The following INPP5J variants were observed in gnomAD, a reference collection of about 807,000 sequenced individuals.
INPP5J encodes phosphatidylinositol 4,5-bisphosphate 5-phosphatase A.
A neutral mutation model predicts 86.6 loss-of-function variants in INPP5J; 75 were observed. The observed-to-expected ratio is 0.87, with a 90% CI of 0.72 to 1.05. INPP5J has a LOEUF of 1.05. Ranked by LOEUF, INPP5J falls within the 50% of genes least tolerant of loss-of-function variation. The pLI is 0.00. For missense variants in INPP5J, 1,229 were observed against 1,341.2 expected (o/e 0.92, Z 1.31); for synonymous variants, 540 against 550.0 (o/e 0.98, Z 0.25).
intron 6 of INPP5J, 193 bp from the exon 7 acceptor site, chr22:31,127,758 A>G (rs1008251279): frequency 6.2e-6 from 4 of 641,440 alleles, no homozygotes; most frequent in African/African-American, 3.7e-5. Context: ...TCAGAACCTA[A>G]TTTCCTGTAG....
rs375807129 is a variant in INPP5J at position 31,127,100 on chromosome 22, C to T, written c.1611+63C>T. On this transcript the variant is annotated intron_variant, in intron 5 of 12. Coordinates refer to ENST00000331075, the MANE Select transcript of INPP5J (RefSeq NM_001284285.2). ...GAAGGGGGCTTTAGATTAGTCCCCC[C>T]GCCCCATGCACAGCAAGGTCCCCTT... 303 of 1,158,674 alleles carry T rather than the reference C, an allele frequency of 2.6e-4. 6 individuals are homozygous for T. In the South Asian group the frequency reaches 2.7e-3, roughly 10 times the overall value. The allele number at this position is 1,158,674 out of a possible 1,614,324, so 71.8% of individuals were successfully genotyped here.
Position 31,134,032 on chromosome 22 carries a change from T to G in INPP5J, c.2634T>G (p.Pro878=). Residue 878 remains proline (P), a synonymous_variant, in exon 13 of 13, where the codon CCT becomes CCG. Transcript: ENST00000331075. ...LLAPKSRSPS[P]GKSKRHRSRS... is the part of the protein sequence containing the mutation. Reference sequence around the variant, plus strand: ...CACCCAAGTCCCGCAGCCCCAGTCCTGGCAAGTCCAAGCGACACCGCAGCC... The same window carrying G: ...CACCCAAGTCCCGCAGCCCCAGTCCGGGCAAGTCCAAGCGACACCGCAGCC... The G allele has an allele frequency of 1.9e-6, 3 of 1,605,672 alleles. No homozygotes were observed. Among genetic ancestry groups the G allele is most frequent in the Non-Finnish European group, 2.5e-6 (3 of 1,176,986 alleles).
chr22:31,126,555 G>A, intron 3 of INPP5J, 58 bp from the exon 4 acceptor site: 1 of 1,601,760 alleles, frequency 6.2e-7, no homozygotes, highest in Non-Finnish European at 8.6e-7. Context: ...TCCACCCATG[G>A]CAGGGGCTTC....
Position 31,125,755 on chromosome 22 carries a change from C to A in INPP5J, c.1016C>A (p.Pro339Gln). 1 of 1,551,162 alleles carries A rather than the reference C, an allele frequency of 6.4e-7. No homozygotes were observed. Among genetic ancestry groups the A allele is most frequent in the South Asian group, 1.2e-5 (1 of 84,094 alleles). The change falls in exon 2 of 13, where the codon CCA becomes CAA. Residue 339 changes from proline to glutamine, a missense_variant. By Grantham distance (76) the Pro-to-Gln change is moderately conservative (BLOSUM62 -1). Coordinates refer to ENST00000331075, the MANE Select transcript of INPP5J (RefSeq NM_001284285.2). Reference protein sequence around the residue: ...PGAPSGQTVPPPLPKPPRSPS... With the variant: ...PGAPSGQTVPQPLPKPPRSPS... ...GCCCCCTCAGGCCAGACTGTGCCCC[C>A]ACCTCTGCCCAAGCCACCCCGATCA... is the stretch of plus-strand genomic sequence containing the variant.
chr22:31,127,723 C>T lies in INPP5J; in HGVS notation c.1787+191C>T. 3 of 704,928 alleles carry T rather than the reference C, an allele frequency of 4.3e-6. No individual in the cohort carries two copies. In the South Asian group the frequency reaches 5.7e-5, roughly 13 times the overall value. 43.7% of individuals were successfully genotyped at this position (704,928 alleles called of 1,614,324 possible). On this transcript the variant is annotated intron_variant, in intron 6 of 12. Coordinates refer to ENST00000331075, the MANE Select transcript of INPP5J (RefSeq NM_001284285.2). ...GCGGAGCTTGTAGGGTGGAGCTTTGCTGAGGGGCCCCGCCTTGCTGAAGGT... is the reference window on the plus strand; with the variant it reads ...GCGGAGCTTGTAGGGTGGAGCTTTGTTGAGGGGCCCCGCCTTGCTGAAGGT...
At position 31,133,912 on chromosome 22, in the gene INPP5J, G is replaced by C; in HGVS notation, c.2515-1G>C. On this transcript the variant is annotated splice_acceptor_variant, in intron 12 of 12. Coordinates refer to ENST00000331075, the MANE Select transcript of INPP5J (RefSeq NM_001284285.2). LOFTEE classifies it high-confidence loss of function. ...GCCCCAGTGACCAGCATTTCCCCCA[G>C]ATCTCGCTGCCTTCCTCGGAGTTGG... The C allele has an allele frequency of 1.2e-6, 2 of 1,609,904 alleles. No homozygotes were observed. Among genetic ancestry groups the C allele is most frequent in the Non-Finnish European group, 1.7e-6 (2 of 1,177,300 alleles).
At chr22:31,129,542 CTT>C (rs56039276) in intron 9 of INPP5J, among the ~76,000 whole-genome samples, 48 of 96,284 alleles carry the variant, frequency 5.0e-4, no homozygotes, top group Non-Finnish European at 4.8e-4. Flanking sequence ...GCCCGGCGCC[CTT>C]TTTTTTTTTT....
intron 9 of INPP5J, among the ~76,000 whole-genome samples, chr22:31,130,435 G>T (rs2147881733): frequency 6.6e-6 from 1 of 151,876 alleles, no homozygotes. Context: ...GATCACTGGA[G>T]CTTGGAAGAT....
In INPP5J at chr22:31,124,663, C is replaced by T. The variant is rs148743546; in HGVS notation, c.106-182C>T. Among the ~76,000 whole-genome samples the T allele has an allele frequency of 9.2e-5, 14 of 152,282 alleles. No homozygotes were observed. The East Asian group carries it at 1.4e-3, about 15-fold the overall frequency. On this transcript the variant is annotated intron_variant, in intron 1 of 12. Transcript: ENST00000331075. ...TAAAGGAGGGGTTAGGGTTTTGTGT[C>T]CTATCTCCTCCAAGACAGAAGTTGA...
In INPP5J at chr22:31,134,461, C is replaced by A; in HGVS notation, c.*42C>A. On this transcript the variant is annotated 3_prime_UTR_variant, in exon 13 of 13. Coordinates refer to ENST00000331075, the MANE Select transcript of INPP5J (RefSeq NM_001284285.2). ...TGGGCCAAGGTGACCACCATTCTGCCTCAATCTTTTGCAAGCCCACCTGCC... is the reference window on the plus strand; with the variant it reads ...TGGGCCAAGGTGACCACCATTCTGCATCAATCTTTTGCAAGCCCACCTGCC... 1 of 1,428,206 alleles carries A rather than the reference C, an allele frequency of 7.0e-7. No homozygotes were observed. The highest frequency in any genetic ancestry group is 9.2e-7 in the Non-Finnish European group (1 of 1,091,958). 88.5% of individuals were successfully genotyped at this position (1,428,206 alleles called of 1,614,324 possible).
chr22:31,133,963 C>T lies in INPP5J; in HGVS notation c.2565C>T (p.Gly855=). The change falls in exon 13 of 13, where the codon GGC becomes GGT. Residue 855 remains glycine, a synonymous_variant. Coordinates refer to ENST00000331075, the MANE Select transcript of INPP5J (RefSeq NM_001284285.2). Reference sequence around the variant, plus strand: ...CCAGCAGCAGCACAGACAGCTCAGGCACCAGCTCAGAGGGAGAGGATGACA... The same window carrying T: ...CCAGCAGCAGCACAGACAGCTCAGGTACCAGCTCAGAGGGAGAGGATGACA... ...ELASSSTDSS[G]TSSEGEDDST... is the part of the protein sequence containing the mutation. The T allele has an allele frequency of 1.2e-6, 2 of 1,613,368 alleles. No homozygotes were observed. Among genetic ancestry groups the T allele is most frequent in the Non-Finnish European group, 1.7e-6 (2 of 1,179,870 alleles).
chr22:31,131,340 G>A (rs753078544), intron 9 of INPP5J, among the ~76,000 whole-genome samples: 8 of 152,094 alleles, frequency 5.3e-5, no homozygotes, highest in African/African-American at 1.2e-4. Flanking sequence ...TGAGGCAGAC[G>A]GATCACTAGG....
intron 4 of INPP5J, 95 bp from the exon 5 acceptor site, chr22:31,126,826 C>A: frequency 7.1e-7 from 1 of 1,414,488 alleles, no homozygotes; most frequent in Non-Finnish European, 1.0e-6. Context: ...GTGGCTGGGT[C>A]CGTGACATGG....
rs781619459 is a variant in INPP5J, at chr22:31,128,003, C to T, written c.1840C>T (p.His614Tyr). ...LNFRIESYDL[H>Y]FVKFAIDSDQ... is the part of the protein sequence containing the mutation. ...CTTCCGCATTGAGAGCTATGACCTG[C>T]ACTTTGTCAAGTTTGCCATCGACAG... The change falls in exon 7 of 13, where the codon CAC becomes TAC. Residue 614 changes from histidine (H) to tyrosine (Y), a missense_variant. His to Tyr is a moderately conservative substitution (Grantham distance 83, BLOSUM62 2). Transcript: ENST00000331075. 2 of 1,613,316 alleles carry T rather than the reference C, an allele frequency of 1.2e-6. No individual in the cohort carries two copies. Among genetic ancestry groups the T allele is most frequent in the Admixed American group, 1.7e-5 (1 of 59,968 alleles).
Position 31,125,993 on chromosome 22 carries a change from G to T in INPP5J, c.1254G>T (p.Lys418Asn). 6.3e-7 allele frequency: 1 copy of T among 1,576,878 alleles called. No homozygotes were observed. Among genetic ancestry groups the T allele is most frequent in the Non-Finnish European group, 8.6e-7 (1 of 1,157,966 alleles). ...CTTGGTCAGCTCAGCCTACCTGGAA[G>T]AGCGACCCCGGCTTCCGGTGAGGGG... is the stretch of plus-strand genomic sequence containing the variant. ...SSPWSAQPTW[K>N]SDPGFRITVV... Residue 418 changes from lysine to asparagine, a missense_variant, in exon 2 of 13, where the codon AAG (lysine) becomes AAT (asparagine). Transcript: ENST00000331075.
Position 31,125,372 on chromosome 22 carries a change from T to C in INPP5J, c.633T>C (p.Ser211=), listed in dbSNP as rs548627771. The stretch of plus-strand genomic sequence containing the variant: ...CCCCGGTGCCCAGTCCAGTTCTGTC[T>C]CCAACTCAGGAACAGGCCCTGGCTC... ...TPSPVPSPVL[S]PTQEQALAPA... Residue 211 remains serine, a synonymous_variant, in exon 2 of 13, where the codon TCT becomes TCC. Transcript: ENST00000331075. The C allele has an allele frequency of 6.4e-7, 1 of 1,550,390 alleles. No individual in the cohort carries two copies. The highest frequency in any genetic ancestry group is 2.0e-5 in the Admixed American group (1 of 50,986).
intron 1 of INPP5J, 92 bp downstream of exon 1, chr22:31,123,211 G>C: frequency 1.3e-6 from 1 of 773,760 alleles, no homozygotes; most frequent in Non-Finnish European, 1.9e-6. Context: ...TGGTGCTCCT[G>C]ACTGAGGGGC....
chr22:31,131,535 C>T (rs1922062646), intron 9 of INPP5J, among the ~76,000 whole-genome samples: 1 of 151,812 alleles, frequency 6.6e-6, no homozygotes, highest in South Asian at 2.1e-4. Flanking sequence ...TGCACTCCAG[C>T]CTGGGCTACA....
At position 31,123,091 on chromosome 22, in the gene INPP5J, G is replaced by A. The variant is rs760788038; in HGVS notation, c.77G>A (p.Gly26Asp). ...AGLGSLPMPQ[G>D]VAQTGAPSKV... ...CTGGGTTCCCTGCCCATGCCCCAGGGTGTTGCCCAAACTGGGGCACCCTCC... is the reference window on the plus strand; with the variant it reads ...CTGGGTTCCCTGCCCATGCCCCAGGATGTTGCCCAAACTGGGGCACCCTCC... The change falls in exon 1 of 13, where the codon GGT (glycine) becomes GAT (aspartate). Residue 26 changes from glycine to aspartate, a missense_variant. Coordinates refer to ENST00000331075, the MANE Select transcript of INPP5J (RefSeq NM_001284285.2). The A allele has an allele frequency of 6.7e-7, 1 of 1,484,722 alleles. No individual in the cohort carries two copies. Among genetic ancestry groups the A allele is most frequent in the Non-Finnish European group, 8.9e-7 (1 of 1,121,376 alleles). 92.0% of individuals were successfully genotyped at this position (1,484,722 alleles called of 1,614,324 possible). A position where few individuals can be genotyped will look rare whatever the true frequency, so the allele number is the denominator to read the frequency against.
Sources: allele counts gnomAD v4.1 joint callset (sites outside exome capture counted in the v4.1 genomes callset), GRCh38; gene constraint gnomAD v4.1.1; transcripts MANE v1.5; gene names NCBI Gene and HGNC (gene_info 2026-07-23, HGNC 2026-07-21).